Variants in FAM169A observed in about 807,000 individuals in gnomAD.
FAM169A encodes soluble lamin-associated protein of 75 kDa.
A neutral mutation model predicts 75.7 loss-of-function variants in FAM169A; 24 were observed. The observed-to-expected ratio is 0.32, with a 90% CI of 0.23 to 0.45. The LOEUF is 0.45. FAM169A is among the 20% of genes least tolerant of loss of function. The pLI is 1.00. For missense variants in FAM169A, 673 were observed against 784.0 expected (o/e 0.86, Z 1.69); for synonymous variants, 271 against 271.0 (o/e 1.00, Z 0.00).
chr5:74,851,082 A>T lies in FAM169A; in HGVS notation c.-3-9403T>A, dbSNP rs372576891. The stretch of plus-strand genomic sequence containing the variant: ...AGGCACATGCCACCACACCCAGCTA[A>T]GTTTTTTAAAAGATTAATATGTCTG... On this transcript the variant is annotated intron_variant, in intron 1 of 12. Coordinates refer to ENST00000687041, the MANE Select transcript of FAM169A (RefSeq NM_001376049.1). Among the ~76,000 whole-genome samples, 50 of 152,302 alleles carry T rather than the reference A, an allele frequency of 3.3e-4. 1 individual carries two copies. The South Asian group carries it at 0.01, about 32-fold the overall frequency.
intron 1 of FAM169A, among the ~76,000 whole-genome samples, chr5:74,855,778 T>C (rs1032256165): frequency 6.6e-6 from 1 of 152,252 alleles, no homozygotes; most frequent in African/African-American, 2.4e-5. Context: ...CAGAAGCTTT[T>C]TAACTTGACA....
intron 5 of FAM169A, among the ~76,000 whole-genome samples, chr5:74,823,062 T>C (rs1356691855): frequency 6.6e-6 from 1 of 152,222 alleles, no homozygotes; most frequent in East Asian, 1.9e-4. Flanking sequence ...TCCCTGACTT[T>C]AAAATACAAT....
At chr5:74,814,765 C>T (rs1251998606) in intron 5 of FAM169A, among the ~76,000 whole-genome samples, 2 of 152,138 alleles carry the variant, frequency 1.3e-5, no homozygotes, top group African/African-American at 4.8e-5. Flanking sequence ...TTTGACCATT[C>T]CAATAGATGT....
chr5:74,865,823 G>A (rs1335117105), intron 1 of FAM169A: 3 of 152,416 alleles, frequency 2.0e-5, no homozygotes, highest in African/African-American at 4.8e-5. Context: ...AGGGCGAGGG[G>A]AGGGGGCGGC....
chr5:74,778,192 A>C lies in FAM169A; in HGVS notation c.*3268T>G, dbSNP rs1745218542. On this transcript the variant is annotated 3_prime_UTR_variant, in exon 13 of 13. Transcript: ENST00000687041. ...ATATTAAGTATGAAAACATAAGCAT[A>C]ACATTTGTAACTAATCACACCCATG... is the stretch of plus-strand genomic sequence containing the variant. The C allele has an allele frequency of 6.6e-6, 1 of 152,066 alleles. No homozygotes were observed. Among genetic ancestry groups the C allele is most frequent in the Non-Finnish European group, 1.5e-5 (1 of 67,908 alleles). The allele number at this position is 152,066 out of a possible 1,614,324, so 9.4% of individuals were successfully genotyped here.
At chr5:74,800,816 TA>T in intron 10 of FAM169A, 63 bp downstream of exon 10, 1 of 748,708 alleles carries the variant, frequency 1.3e-6, no homozygotes, top group Non-Finnish European at 1.8e-6. Flanking sequence ...ATTGATAATA[TA>T]AAAGTATAAA....
intron 5 of FAM169A, among the ~76,000 whole-genome samples, chr5:74,820,789 A>G (rs941381639): frequency 2.6e-5 from 4 of 152,124 alleles, no homozygotes; most frequent in African/African-American, 9.7e-5. Flanking sequence ...AAACCCTTCA[A>G]TAGTTTCCCA....
At chr5:74,821,638 G>A (rs997705943) in intron 5 of FAM169A, among the ~76,000 whole-genome samples, 11 of 152,130 alleles carry the variant, frequency 7.2e-5, no homozygotes, top group Non-Finnish European at 1.5e-4. Context: ...GCTAGCTGCC[G>A]TAACAAACCA....
chr5:74,866,204 A>AGGAGGCGGAGCCGCGCGAATGAAT lies in FAM169A; in HGVS notation c.-67_-44dup. On this transcript the variant is annotated 5_prime_UTR_variant, in exon 1 of 13. Coordinates refer to ENST00000687041, the MANE Select transcript of FAM169A (RefSeq NM_001376049.1). ...GGGAGCCGCTGGAAGAGCCCGGGAA[A>AGGAGGCGGAGCCGCGCGAATGAAT]GGAGGCGGAGCCGCGCGAATGAATG... 1.0e-6 allele frequency: 1 copy of AGGAGGCGGAGCCGCGCGAATGAAT among 984,280 alleles called. No homozygotes were observed. Among genetic ancestry groups the AGGAGGCGGAGCCGCGCGAATGAAT allele is most frequent in the Non-Finnish European group, 1.2e-6 (1 of 829,564 alleles). The allele number at this position is 984,280 out of a possible 1,614,324, so 61.0% of individuals were successfully genotyped here.
At chr5:74,838,816 A>C in intron 4 of FAM169A, 149 bp downstream of exon 4, 1 of 673,548 alleles carries the variant, frequency 1.5e-6, no homozygotes, top group Non-Finnish European at 2.6e-6. Flanking sequence ...CCCAACCCGA[A>C]TGCTGGCTTC....
At chr5:74,801,775 G>C in intron 8 of FAM169A, 146 bp from the exon 9 acceptor site, 1 of 655,132 alleles carries the variant, frequency 1.5e-6, no homozygotes, top group Middle Eastern at 3.9e-4. Context: ...AAAATAAAAA[G>C]GTTATAGTTC....
chr5:74,853,574 G>T (rs1749552742), intron 1 of FAM169A, among the ~76,000 whole-genome samples: 1 of 152,132 alleles, frequency 6.6e-6, no homozygotes. Context: ...ATGTATCTAA[G>T]TGTAATAAAA....
Position 74,780,849 on chromosome 5 carries a change from A to G in FAM169A, c.*611T>C, listed in dbSNP as rs1745377416. ...ATTTTATGTGTACCTTTCCATAGAT[A>G]GTGAAGTCAAAGGAAAAAACTGCAT... On this transcript the variant is annotated 3_prime_UTR_variant, in exon 13 of 13. Coordinates refer to ENST00000687041, the MANE Select transcript of FAM169A (RefSeq NM_001376049.1). 6.6e-6 allele frequency: 1 copy of G among 152,316 alleles called. No homozygotes were observed. Among genetic ancestry groups the G allele is most frequent in the Admixed American group, 6.5e-5 (1 of 15,282 alleles). The allele number at this position is 152,316 out of a possible 1,614,324, so 9.4% of individuals were successfully genotyped here. A position where few individuals can be genotyped will look rare whatever the true frequency, so the allele number is the denominator to read the frequency against.
At chr5:74,849,372 T>C (rs529496777) in intron 1 of FAM169A, among the ~76,000 whole-genome samples, 21 of 152,308 alleles carry the variant, frequency 1.4e-4, no homozygotes, top group African/African-American at 5.1e-4. Context: ...GATGGGAACA[T>C]ATTCTACATG....
intron 11 of FAM169A, among the ~76,000 whole-genome samples, chr5:74,784,520 A>AAAAAC (rs1312972844): frequency 2.0e-5 from 3 of 148,406 alleles, no homozygotes; most frequent in East Asian, 2.0e-4. Context: ...CAAAAAAAAA[A>AAAAAC]AAAAAAAAAC....
At chr5:74,810,011 C>T (rs1451385804) in intron 6 of FAM169A, among the ~76,000 whole-genome samples, 1 of 152,096 alleles carries the variant, frequency 6.6e-6, no homozygotes, top group East Asian at 1.9e-4. Flanking sequence ...AAACAAACGT[C>T]CATCATACAA....
At chr5:74,788,948 T>C (rs1745833973) in intron 11 of FAM169A, among the ~76,000 whole-genome samples, 1 of 152,214 alleles carries the variant, frequency 6.6e-6, no homozygotes. Context: ...GTTTCATTGC[T>C]TGAGGAAATT....
At chr5:74,799,621 G>T in intron 10 of FAM169A, 2 of 1,427,180 alleles carry the variant, frequency 1.4e-6, no homozygotes, top group Non-Finnish European at 2.0e-6. Flanking sequence ...GGTCCACGGG[G>T]TCAGCTTCTC....
At chr5:74,832,965 A>T (rs1423287832) in intron 5 of FAM169A, among the ~76,000 whole-genome samples, 2 of 152,040 alleles carry the variant, frequency 1.3e-5, no homozygotes, top group African/African-American at 4.8e-5. Flanking sequence ...AAAATAGTTA[A>T]CTACCAGAAC....
Sources: gnomAD v4.1 joint callset for allele counts (sites outside exome capture counted in the v4.1 genomes callset) on GRCh38, gnomAD v4.1.1 for gene constraint, MANE v1.5 for transcripts, NCBI Gene and HGNC (gene_info 2026-07-23, HGNC 2026-07-21) for gene names.